OPCML: variants seen among roughly 807,000 people sequenced by gnomAD.
OPCML encodes the protein opioid-binding protein/cell adhesion molecule.
OPCML carries 13 observed loss-of-function variants against 37.8 expected under a neutral mutation model. The observed-to-expected ratio is 0.34, with a 90% CI of 0.22 to 0.55. OPCML has a LOEUF of 0.55. OPCML is among the 20% of genes least tolerant of loss of function. The probability of loss-of-function intolerance (pLI) is 0.91; values close to 1 mark genes in which losing one functional copy is unlikely to be tolerated. For missense variants in OPCML, 341 were observed against 435.6 expected, an observed-to-expected ratio of 0.78 and a Z score of 1.93; for synonymous variants, 176 against 168.8, an observed-to-expected ratio of 1.04 and a Z score of -0.33.
intron 1 of OPCML, among the ~76,000 whole-genome samples, chr11:133,028,909 G>C (rs1383676170): frequency 7.7e-5 from 10 of 130,540 alleles, no homozygotes; most frequent in African/African-American, 2.3e-4. Context: ...AAAAAAAAAA[G>C]AACTATCAAC....
chr11:133,362,012 G>A (rs1944434054), intron 1 of OPCML: 1 of 152,544 alleles, frequency 6.6e-6, no homozygotes, highest in South Asian at 2.1e-4. Flanking sequence ...CGGAGAAAAT[G>A]GTGTCCTTCC....
chr11:132,799,836 G>T (rs1392907332), intron 2 of OPCML, among the ~76,000 whole-genome samples: 1 of 152,026 alleles, frequency 6.6e-6, no homozygotes, highest in Non-Finnish European at 1.5e-5. Flanking sequence ...CTACAATATT[G>T]CATTAAGTTT....
intron 1 of OPCML, among the ~76,000 whole-genome samples, chr11:133,528,124 C>T (rs1016135922): frequency 6.6e-6 from 1 of 152,218 alleles, no homozygotes; most frequent in East Asian, 1.9e-4. Context: ...CATGGGAGAA[C>T]CTCAAGCCCG....
At chr11:133,115,170 C>A (rs1367904939) in intron 1 of OPCML, among the ~76,000 whole-genome samples, 1 of 152,244 alleles carries the variant, frequency 6.6e-6, no homozygotes, top group East Asian at 1.9e-4. Context: ...TAGCTCTGAG[C>A]CGCTCAGCAA....
Position 133,260,468 on chromosome 11 carries a change from C to T in OPCML, c.61+271796G>A, listed in dbSNP as rs532823961. ...CCAACAGTATAGGTACTGATAAGGA[C>T]GTACAGTCCTCAAAGGTGTTGAAGG... On this transcript the variant is annotated intron_variant, in intron 1 of 7. Transcript: ENST00000524381. 5.4e-4 allele frequency among the ~76,000 whole-genome samples: 82 copies of T among 152,034 alleles called. 1 individual carries two copies. In the South Asian group the frequency reaches 0.014, roughly 27 times the overall value.
intron 1 of OPCML, among the ~76,000 whole-genome samples, chr11:133,333,585 A>G (rs2136654052): frequency 6.6e-6 from 1 of 152,348 alleles, no homozygotes; most frequent in Non-Finnish European, 1.5e-5. Flanking sequence ...GAATGAGCAA[A>G]GATTTCATGA....
intron 3 of OPCML, among the ~76,000 whole-genome samples, chr11:132,576,324 C>A (rs910372322): frequency 2.6e-5 from 4 of 151,114 alleles, no homozygotes; most frequent in Admixed American, 1.3e-4. Context: ...TCTTTACATT[C>A]TTTTCTCTTT....
chr11:132,835,224 A>G (rs1940941530), intron 2 of OPCML, among the ~76,000 whole-genome samples: 1 of 152,230 alleles, frequency 6.6e-6, no homozygotes, highest in Non-Finnish European at 1.5e-5. Flanking sequence ...TTCTCTGGCC[A>G]TGCCTTTCTC....
chr11:133,265,486 G>A (rs902228966), intron 1 of OPCML, among the ~76,000 whole-genome samples: 9 of 152,208 alleles, frequency 5.9e-5, no homozygotes, highest in African/African-American at 1.9e-4. Flanking sequence ...GCAACATCAG[G>A]AGAGAGGAAT....
chr11:133,334,683 T>G (rs1284180725), intron 1 of OPCML, among the ~76,000 whole-genome samples: 1 of 152,200 alleles, frequency 6.6e-6, no homozygotes, highest in African/African-American at 2.4e-5. Flanking sequence ...TTTAACCCAT[T>G]GGCCTCTTTT....
intron 2 of OPCML, among the ~76,000 whole-genome samples, chr11:132,785,394 C>T (rs1947174832): frequency 6.6e-6 from 1 of 152,152 alleles, no homozygotes; most frequent in South Asian, 2.1e-4. Context: ...GCTTCTGCAT[C>T]CAAGCATTTT....
intron 1 of OPCML, among the ~76,000 whole-genome samples, chr11:132,974,914 C>G (rs1946423202): frequency 6.6e-6 from 1 of 151,618 alleles, no homozygotes; most frequent in Admixed American, 6.6e-5. Flanking sequence ...GTTTAAGGCC[C>G]TCTCGTCTGT....
rs1486263462 is a variant in OPCML at position 132,777,091 on chromosome 11, A to C, written c.147-119772T>G. On this transcript the variant is annotated intron_variant, in intron 2 of 7. Transcript: ENST00000524381. ...ACCTTACTTCTCCAACTAAATTATA[A>C]GCTCCTTAAGGACTGGGGCTCCACT... Among the ~76,000 whole-genome samples the C allele has an allele frequency of 1.3e-5, 2 of 152,116 alleles. 1 individual carries two copies. Among genetic ancestry groups the C allele is most frequent in the Admixed American group, 1.3e-4 (2 of 15,278 alleles).
intron 2 of OPCML, among the ~76,000 whole-genome samples, chr11:132,855,566 C>T (rs73041460): frequency 0.011 from 1,670 of 152,224 alleles, 12 homozygotes; most frequent in Non-Finnish European, 0.017. Flanking sequence ...TATATAGGAG[C>T]GGGATTGCTG....
In OPCML at chr11:132,943,193, G is replaced by T. The variant is rs1051245817; in HGVS notation, c.62-183C>A. 2 of 1,559,972 alleles carry T rather than the reference G, an allele frequency of 1.3e-6. No individual in the cohort carries two copies. The highest frequency in any genetic ancestry group is 1.7e-6 in the Non-Finnish European group (2 of 1,145,346). On this transcript the variant is annotated intron_variant, in intron 1 of 7. Coordinates refer to ENST00000524381, the MANE Select transcript of OPCML (RefSeq NM_001012393.5). The surrounding 1 kb of genome is among the most constrained non-coding windows in gnomAD (Gnocchi z 4.3). Reference sequence around the variant, plus strand: ...GGGAAGCGGTGCGGGGAGGAGGGAAGGGGCAGAGTTCGCCAGGAGCAGGGG... The same window carrying T: ...GGGAAGCGGTGCGGGGAGGAGGGAATGGGCAGAGTTCGCCAGGAGCAGGGG...
intron 1 of OPCML, among the ~76,000 whole-genome samples, chr11:133,133,194 C>T (rs920104395): frequency 2.6e-5 from 4 of 152,116 alleles, no homozygotes; most frequent in African/African-American, 9.7e-5. Flanking sequence ...TGCAACAGTT[C>T]CTGAGATCTG....
At chr11:133,341,528 T>C (rs1450533401) in intron 1 of OPCML, among the ~76,000 whole-genome samples, 1 of 152,180 alleles carries the variant, frequency 6.6e-6, no homozygotes, top group Non-Finnish European at 1.5e-5. Context: ...CTGAATACCC[T>C]ACAGGAAGAT....
intron 1 of OPCML, among the ~76,000 whole-genome samples, chr11:133,409,666 C>G (rs1945602921): frequency 6.6e-6 from 1 of 152,124 alleles, no homozygotes; most frequent in Non-Finnish European, 1.5e-5. Context: ...CTCATAGATA[C>G]TAGTAGGTCT....
rs1468100454 is a variant in OPCML at position 132,416,014 on chromosome 11, G to A, written c.*4179C>T. 6.6e-6 allele frequency: 1 copy of A among 152,572 alleles called. No individual in the cohort carries two copies. Among genetic ancestry groups the A allele is most frequent in the African/African-American group, 2.4e-5 (1 of 41,426 alleles). 9.5% of individuals were successfully genotyped at this position (152,572 alleles called of 1,614,324 possible). A position where few individuals can be genotyped will look rare whatever the true frequency, so the allele number is the denominator to read the frequency against. On this transcript the variant is annotated 3_prime_UTR_variant, in exon 8 of 8. Coordinates refer to ENST00000524381, the MANE Select transcript of OPCML (RefSeq NM_001012393.5). ...TGTCTTCAAGTAAAAAGACAGGGAA[G>A]CTCTGAATAATAGGAGGGGAGGCAA...
Sources: gnomAD v4.1 joint callset for allele counts (sites outside exome capture counted in the v4.1 genomes callset) on GRCh38, gnomAD v4.1.1 for gene constraint, Gnocchi (gnomAD v3.1) non-coding constraint, MANE v1.5 for transcripts, NCBI Gene and HGNC (gene_info 2026-07-23, HGNC 2026-07-21) for gene names.